FLNB: variants seen among roughly 807,000 people sequenced by gnomAD.
FLNB encodes the protein filamin-B.
In FLNB, 111 loss-of-function variants were observed where a neutral mutation model predicts 250.6. The ratio of observed to expected loss-of-function variants is 0.44; its 90% CI spans 0.38 to 0.52. FLNB has a LOEUF of 0.52. Ranked by LOEUF, FLNB falls within the 20% of genes least tolerant of loss-of-function variation. The pLI is 0.00. For synonymous variants in FLNB, 1,302 were observed against 1,372.1 expected (o/e 0.95, Z 1.13); for missense variants, 2,869 against 3,447.8 (o/e 0.83, Z 4.20).
At chr3:58,112,465 C>A (rs1451679893) in intron 18 of FLNB, 147 bp downstream of exon 18, 14 of 787,130 alleles carry the variant, frequency 1.8e-5, no homozygotes, top group South Asian at 1.3e-4. Context: ...GCACTTTGAA[C>A]CCCTCTGGGA....
intron 38 of FLNB, among the ~76,000 whole-genome samples, chr3:58,151,612 C>T (rs191068222): frequency 6.6e-5 from 10 of 152,250 alleles, no homozygotes; most frequent in African/African-American, 2.4e-4. Context: ...GGCATCTTCC[C>T]ACCTCAAAAA....
In FLNB at chr3:58,098,856, C is replaced by A; in HGVS notation, c.1293C>A (p.Phe431Leu). 1 of 1,614,110 alleles carries A rather than the reference C, an allele frequency of 6.2e-7. No homozygotes were observed. Among genetic ancestry groups the A allele is most frequent in the African/African-American group, 1.3e-5 (1 of 75,028 alleles). ...MQPGPHVVKI[F>L]FAGDTIPKSP... ...CTGGCCCTCACGTGGTCAAGATCTT[C>A]TTTGCTGGGGACACTATTCCTAAGA... The change falls in exon 8 of 46, where the codon TTC becomes TTA. Residue 431 changes from phenylalanine (F) to leucine (L), a missense_variant. Coordinates refer to ENST00000295956, the MANE Select transcript of FLNB (RefSeq NM_001457.4).
chr3:58,105,109 C>T lies in FLNB; in HGVS notation c.1640C>T (p.Ala547Val), dbSNP rs200619215. Reference protein sequence around the residue: ...SPFEVQVGPEAGMQKVRAWGP... With the variant: ...SPFEVQVGPEVGMQKVRAWGP... ...TTTGAAGTTCAAGTTGGCCCTGAAG[C>T]GGGTATGCAGAAAGTCCGTGCTTGG... The change falls in exon 11 of 46, where the codon GCG becomes GTG. Residue 547 changes from alanine (A) to valine (V), a missense_variant. By Grantham distance (64) the Ala-to-Val change is moderately conservative (BLOSUM62 0). Around this residue, in one of 5 missense-constraint regions of FLNB, gnomAD observed 1,348 missense variants for 1,466.7 expected, o/e 0.92. Coordinates refer to ENST00000295956, the MANE Select transcript of FLNB (RefSeq NM_001457.4). 1.0e-4 allele frequency: 166 copies of T among 1,614,202 alleles called. No individual in the cohort carries two copies. Among genetic ancestry groups the T allele is most frequent in the Middle Eastern group, 1.7e-4 (1 of 6,060 alleles).
intron 43 of FLNB, among the ~76,000 whole-genome samples, chr3:58,166,563 G>A (rs149904263): frequency 1.0e-3 from 158 of 152,304 alleles, no homozygotes; most frequent in African/African-American, 3.7e-3. Flanking sequence ...GCTCACACCT[G>A]TAATCCCAGC....
At chr3:58,043,796 CA>C (rs2097149636) in intron 1 of FLNB, among the ~76,000 whole-genome samples, 1 of 152,206 alleles carries the variant, frequency 6.6e-6, no homozygotes, top group African/African-American at 2.4e-5. Context: ...AGCTCTGAGC[CA>C]ATGGCTGTGC....
intron 3 of FLNB, among the ~76,000 whole-genome samples, chr3:58,080,889 G>T (rs2097208332): frequency 6.6e-6 from 1 of 151,482 alleles, no homozygotes; most frequent in Non-Finnish European, 1.5e-5. Flanking sequence ...CACCTGCTGG[G>T]TTCAAGCCAT....
intron 1 of FLNB, among the ~76,000 whole-genome samples, chr3:58,031,957 C>T (rs2097131728): frequency 6.6e-6 from 1 of 151,912 alleles, no homozygotes; most frequent in Non-Finnish European, 1.5e-5. Flanking sequence ...GAGACAGGGT[C>T]TTGCTCTTTC....
chr3:58,137,386 T>A (rs893307259), intron 28 of FLNB, among the ~76,000 whole-genome samples: 1 of 152,242 alleles, frequency 6.6e-6, no homozygotes, highest in Non-Finnish European at 1.5e-5. Flanking sequence ...GGATGGGGAC[T>A]TCCCCCTTGC....
chr3:58,096,349 C>A, intron 6 of FLNB, 131 bp downstream of exon 6: 1 of 736,462 alleles, frequency 1.4e-6, no homozygotes, highest in Non-Finnish European at 2.4e-6. Flanking sequence ...GATCTATGCT[C>A]ATGATAGAAA....
In FLNB at chr3:58,141,095, A is replaced by T. The variant is rs73075923; in HGVS notation, c.5110-763A>T. Among the ~76,000 whole-genome samples, 1,315 of 152,184 alleles carry T rather than the reference A, an allele frequency of 8.6e-3. 3 individuals are homozygous for T. The highest frequency in any genetic ancestry group is 0.011 in the Non-Finnish European group (753 of 67,978). On this transcript the variant is annotated intron_variant, in intron 29 of 45. Coordinates refer to ENST00000295956, the MANE Select transcript of FLNB (RefSeq NM_001457.4). ...AGACCCCATCTCTACCAAAAAAAAA[A>T]AATAATAATTAGCCTGGTGTGGTGG...
At position 58,153,653 on chromosome 3, in the gene FLNB, G is replaced by A. The variant is rs1019809537; in HGVS notation, c.6634+12G>A. The A allele has an allele frequency of 7.4e-6, 12 of 1,613,654 alleles. No homozygotes were observed. Among genetic ancestry groups the A allele is most frequent in the East Asian group, 4.5e-5 (2 of 44,894 alleles). On this transcript the variant is annotated intron_variant, in intron 39 of 45. Transcript: ENST00000295956. Reference sequence around the variant, plus strand: ...AGCGGGAGTCCCAGGTGAGCATTGCGGGCAGGATTTTCACTTGGGAAGAAT... The same window carrying A: ...AGCGGGAGTCCCAGGTGAGCATTGCAGGCAGGATTTTCACTTGGGAAGAAT...
chr3:58,053,123 C>G (rs2097165081), intron 1 of FLNB, among the ~76,000 whole-genome samples: 1 of 152,206 alleles, frequency 6.6e-6, no homozygotes, highest in African/African-American at 2.4e-5. Flanking sequence ...AGTCTAACCT[C>G]TCTGCTGTAG....
chr3:58,052,471 T>A (rs986293355), intron 1 of FLNB, among the ~76,000 whole-genome samples: 1 of 152,136 alleles, frequency 6.6e-6, no homozygotes, highest in South Asian at 2.1e-4. Flanking sequence ...GGCTGAGTCA[T>A]GTGGCACCCA....
At chr3:58,089,264 TG>T (rs1294908574) in intron 4 of FLNB, among the ~76,000 whole-genome samples, 7 of 152,004 alleles carry the variant, frequency 4.6e-5, no homozygotes. Context: ...TAGCCAGGCG[TG>T]GTGGCTCACT....
chr3:58,163,364 T>G lies in FLNB; in HGVS notation c.7198+34T>G. On this transcript the variant is annotated intron_variant, in intron 43 of 45. Transcript: ENST00000295956. Reference sequence around the variant, plus strand: ...CTCTTCTGCTTCTTGAAGCCTTAACTGAACCAGCTCCAGGGACCAAGCCAG... The same window carrying G: ...CTCTTCTGCTTCTTGAAGCCTTAACGGAACCAGCTCCAGGGACCAAGCCAG... 3.7e-6 allele frequency: 6 copies of G among 1,606,890 alleles called. No homozygotes were observed. The South Asian group carries it at 6.6e-5, about 18-fold the overall frequency.
intron 18 of FLNB, among the ~76,000 whole-genome samples, chr3:58,116,156 T>C (rs946027227): frequency 6.6e-6 from 1 of 152,122 alleles, no homozygotes; most frequent in Non-Finnish European, 1.5e-5. Flanking sequence ...CATTCTCCTT[T>C]GAACTCTGTT....
chr3:58,118,754 T>A, intron 18 of FLNB, 118 bp from the exon 19 acceptor site: 1 of 799,204 alleles, frequency 1.3e-6, no homozygotes, highest in Non-Finnish European at 2.3e-6. Context: ...ACTTTCTACA[T>A]TGATTGGAAT....
At chr3:58,141,252 C>CA (rs1172776971) in intron 29 of FLNB, among the ~76,000 whole-genome samples, 1 of 151,782 alleles carries the variant, frequency 6.6e-6, no homozygotes, top group Non-Finnish European at 1.5e-5. Flanking sequence ...AACTCTGCCT[C>CA]AAAAAAAATT....
At chr3:58,109,747 G>A (rs374423648) in intron 15 of FLNB, 48 bp downstream of exon 15, 8 of 1,613,152 alleles carry the variant, frequency 5.0e-6, no homozygotes, top group Non-Finnish European at 5.9e-6. Flanking sequence ...CCGTGGGGAA[G>A]GCAGTTCTTT....
Sources: gnomAD v4.1 joint callset for allele counts (sites outside exome capture counted in the v4.1 genomes callset) on GRCh38, gnomAD v4.1.1 for gene constraint, gnomAD v4.1.1 regional missense constraint, MANE v1.5 for transcripts, NCBI Gene and HGNC (gene_info 2026-07-23, HGNC 2026-07-21) for gene names.